The following LRP5 variants were observed in gnomAD, a reference collection of about 807,000 sequenced individuals.
LRP5 encodes the protein low-density lipoprotein receptor-related protein 5.
In LRP5, 62 loss-of-function variants were observed where a neutral mutation model predicts 154.1. The observed-to-expected ratio is 0.40, with a 90% confidence interval of 0.33 to 0.50. The LOEUF is 0.50. Among genes scored for constraint, LRP5 ranks in the 20% least tolerant of loss-of-function variants. The pLI is 0.55. For missense variants in LRP5, 1,915 were observed against 2,336.7 expected, an observed-to-expected ratio of 0.82 and a Z score of 3.72; for synonymous variants, 966 against 1,011.5, an observed-to-expected ratio of 0.96 and a Z score of 0.85.
rs1032323198 is a variant in LRP5, at chr11:68,446,368, G to T, written c.4489-68G>T. 6 of 1,076,596 alleles carry T rather than the reference G, an allele frequency of 5.6e-6. No homozygotes were observed. The African/African-American group carries it at 7.7e-5, about 14-fold the overall frequency. The allele number at this position is 1,076,596 out of a possible 1,614,324, so 66.7% of individuals were successfully genotyped here. On this transcript the variant is annotated intron_variant, in intron 21 of 22. Transcript: ENST00000294304. ...CCTCTCTGCAAGGAAAGCCCGAGGG[G>T]TGTGGGAGGAAGGAAGGAATGCCCA...
chr11:68,318,467 T>G (rs966482941), intron 1 of LRP5, among the ~76,000 whole-genome samples: 1 of 151,778 alleles, frequency 6.6e-6, no homozygotes, highest in Non-Finnish European at 1.5e-5. Context: ...AGCCCGCAAG[T>G]AGTTGGGACC....
intron 1 of LRP5, among the ~76,000 whole-genome samples, chr11:68,313,150 C>T (rs1396846004): frequency 2.0e-5 from 3 of 150,362 alleles, no homozygotes; most frequent in African/African-American, 7.3e-5. Flanking sequence ...CCGGGCCGGG[C>T]ACCGAGCGGG....
intron 16 of LRP5, among the ~76,000 whole-genome samples, chr11:68,428,200 G>T (rs2098669950): frequency 6.6e-6 from 1 of 151,814 alleles, no homozygotes; most frequent in South Asian, 2.1e-4. Flanking sequence ...TCGCCATTTT[G>T]CCCAGGCTGG....
intron 2 of LRP5, among the ~76,000 whole-genome samples, chr11:68,352,126 C>G (rs891340803): frequency 2.0e-4 from 30 of 152,120 alleles, no homozygotes; most frequent in Admixed American, 5.2e-4. Flanking sequence ...GGCGTGGGGG[C>G]AGGAGCCCTC....
Position 68,413,694 on chromosome 11 carries a change from G to A in LRP5, c.2509G>A (p.Glu837Lys). 2.5e-6 allele frequency: 4 copies of A among 1,613,730 alleles called. No homozygotes were observed. The highest frequency in any genetic ancestry group is 3.4e-6 in the Non-Finnish European group (4 of 1,180,026). The change falls in exon 12 of 23, where the codon GAG becomes AAG. Residue 837 changes from glutamate (E) to lysine (K), a missense_variant. By Grantham distance (56) the Glu-to-Lys change is moderately conservative (BLOSUM62 1). Transcript: ENST00000294304. This position sits in a 1 kb window ranked among gnomAD's most constrained non-coding sequence, Gnocchi z 5.1. ...GCCCGTGTGTGTTCATGCAGGTCAG[G>A]AGCGGGTCGTGATTGCCGACGATCT... is the stretch of plus-strand genomic sequence containing the variant. Reference protein sequence around the residue: ...MIESSNMLGQERVVIADDLPH... With the variant: ...MIESSNMLGQKRVVIADDLPH...
chr11:68,324,775 G>C (rs1276132024), intron 1 of LRP5, among the ~76,000 whole-genome samples: 1 of 152,242 alleles, frequency 6.6e-6, no homozygotes, highest in Admixed American at 6.5e-5. Context: ...TGGCTTCCCA[G>C]TGTCGAAGGC....
At chr11:68,426,351 G>A (rs576292584) in intron 16 of LRP5, among the ~76,000 whole-genome samples, 164 bp downstream of exon 16, 2 of 152,226 alleles carry the variant, frequency 1.3e-5, no homozygotes, top group South Asian at 2.1e-4. Flanking sequence ...CGAATGTCCC[G>A]AGGCCTCTGA....
rs937587266 is a variant in LRP5, at chr11:68,406,898, T to C, written c.2091+85T>C. ...CTGCCTCAAAGGCTTCAGACACTTT[T>C]CTTAAAGCACTATCGTATTTATTGT... On this transcript the variant is annotated intron_variant, in intron 9 of 22. Coordinates refer to ENST00000294304, the MANE Select transcript of LRP5 (RefSeq NM_002335.4). The C allele has an allele frequency of 3.8e-5, 51 of 1,353,394 alleles. No individual in the cohort carries two copies. The African/African-American group carries it at 4.3e-4, about 11-fold the overall frequency. 83.8% of individuals were successfully genotyped at this position (1,353,394 alleles called of 1,614,324 possible).
intron 5 of LRP5, among the ~76,000 whole-genome samples, chr11:68,370,241 G>A (rs1174566847): frequency 1.3e-5 from 2 of 152,168 alleles, no homozygotes; most frequent in African/African-American, 2.4e-5. Context: ...CTGGCTGCTC[G>A]TGGCTGAGCC....
intron 2 of LRP5, among the ~76,000 whole-genome samples, chr11:68,350,789 G>A (rs925621558): frequency 2.0e-5 from 3 of 152,246 alleles, no homozygotes; most frequent in Admixed American, 1.3e-4. Context: ...GGCTTCTGAC[G>A]AGCATGGGAA....
chr11:68,379,361 A>G (rs2098639095), intron 5 of LRP5, among the ~76,000 whole-genome samples: 1 of 152,212 alleles, frequency 6.6e-6, no homozygotes, highest in South Asian at 2.1e-4. Context: ...AGGAACCTCC[A>G]TGCGTTCCAG....
At chr11:68,359,722 C>T (rs1272159050) in intron 3 of LRP5, among the ~76,000 whole-genome samples, 1 of 151,096 alleles carries the variant, frequency 6.6e-6, no homozygotes, top group East Asian at 1.9e-4. Flanking sequence ...CTTTGTCACC[C>T]AGGCTGGAGT....
chr11:68,377,774 A>G (rs1702346233), intron 5 of LRP5, among the ~76,000 whole-genome samples: 1 of 152,186 alleles, frequency 6.6e-6, no homozygotes, highest in South Asian at 2.1e-4. Context: ...GCACCTGAGA[A>G]GGAGGCCCTG....
At position 68,386,781 on chromosome 11, in the gene LRP5, T is replaced by C. The variant is rs2153153378; in HGVS notation, c.1412+69T>C. 2 of 1,514,254 alleles carry C rather than the reference T, an allele frequency of 1.3e-6. No homozygotes were observed. Among genetic ancestry groups the C allele is most frequent in the African/African-American group, 1.4e-5 (1 of 72,680 alleles). 93.8% of individuals were successfully genotyped at this position (1,514,254 alleles called of 1,614,324 possible). On this transcript the variant is annotated intron_variant, in intron 6 of 22. Coordinates refer to ENST00000294304, the MANE Select transcript of LRP5 (RefSeq NM_002335.4). This position sits in a 1 kb window ranked among gnomAD's most constrained non-coding sequence, Gnocchi z 7.9. The stretch of plus-strand genomic sequence containing the variant: ...AGCACAGGCGAGAGGGAGATTGACC[T>C]GGACCTGTCATTCTGGGACACTGTC...
At chr11:68,431,871 CT>C (rs970057966) in intron 17 of LRP5, among the ~76,000 whole-genome samples, 1 of 102,244 alleles carries the variant, frequency 9.8e-6, no homozygotes, top group African/African-American at 2.6e-5. Flanking sequence ...CCACCACCCC[CT>C]GGCCTGGGCC....
intron 12 of LRP5, among the ~76,000 whole-genome samples, chr11:68,415,131 T>C (rs1421427117): frequency 6.6e-6 from 1 of 152,150 alleles, no homozygotes; most frequent in Non-Finnish European, 1.5e-5. Context: ...GGAGACTCTG[T>C]TAGCTGTTGA....
chr11:68,439,943 G>GGGC (rs916610143), intron 21 of LRP5, 27 bp downstream of exon 21: 54 of 1,495,404 alleles, frequency 3.6e-5, no homozygotes, highest in Non-Finnish European at 4.6e-5. Flanking sequence ...GGGAGGGGCG[G>GGGC]GGCGGGATGG....
At chr11:68,427,187 G>A (rs533207266) in intron 16 of LRP5, among the ~76,000 whole-genome samples, 2 of 152,288 alleles carry the variant, frequency 1.3e-5, no homozygotes, top group East Asian at 1.9e-4. Flanking sequence ...TCATGACGCC[G>A]TGCTGGGGAC....
In LRP5 at chr11:68,415,671, G is replaced by A. The variant is rs754771575; in HGVS notation, c.2828-657G>A. On this transcript the variant is annotated intron_variant, in intron 12 of 22. Coordinates refer to ENST00000294304, the MANE Select transcript of LRP5 (RefSeq NM_002335.4). The stretch of plus-strand genomic sequence containing the variant: ...GAGAGAGGAGAATCGCTTGAACTTG[G>A]GAGGTGGAAGTTTCAAGTGAGCTCA... Among the ~76,000 whole-genome samples, 359 of 46,118 alleles carry A rather than the reference G, an allele frequency of 7.8e-3. 7 individuals carry two copies. Among genetic ancestry groups the A allele is most frequent in the Middle Eastern group, 0.036 (3 of 84 alleles). The allele number at this position is 46,118 out of a possible 152,430, so 30.3% of individuals were successfully genotyped here. A position where few individuals can be genotyped will look rare whatever the true frequency, so the allele number is the denominator to read the frequency against.
Sources: allele counts gnomAD v4.1 joint callset (sites outside exome capture counted in the v4.1 genomes callset), GRCh38; gene constraint gnomAD v4.1.1; non-coding constraint Gnocchi (gnomAD v3.1); transcripts MANE v1.5; gene names NCBI Gene and HGNC (gene_info 2026-07-23, HGNC 2026-07-21).